The following MB21D2 variants were observed in gnomAD, a reference collection of about 807,000 sequenced individuals.
MB21D2 encodes the protein nucleotidyltransferase MB21D2.
MB21D2 carries 9 observed loss-of-function variants against 33.3 expected under a neutral mutation model. The ratio of observed to expected loss-of-function variants is 0.27; its 90% CI spans 0.16 to 0.47. The LOEUF (loss-of-function observed/expected upper bound fraction) is 0.47. Among genes scored for constraint, MB21D2 ranks in the 20% least tolerant of loss-of-function variants. The pLI is 0.99. For synonymous variants in MB21D2, 241 were observed against 236.3 expected (o/e 1.02, Z -0.18); for missense variants, 540 against 624.6 (o/e 0.86, Z 1.44).
At chr3:192,819,741 T>C (rs1450696131) in intron 1 of MB21D2, among the ~76,000 whole-genome samples, 1 of 152,194 alleles carries the variant, frequency 6.6e-6, no homozygotes, top group Non-Finnish European at 1.5e-5. Flanking sequence ...CCCTCTCTAA[T>C]CATTCCAAAG....
chr3:192,813,732 G>A (rs1711843799), intron 1 of MB21D2, among the ~76,000 whole-genome samples: 1 of 152,106 alleles, frequency 6.6e-6, no homozygotes, highest in South Asian at 2.1e-4. Flanking sequence ...AAACTAATCT[G>A]ACCACACACA....
rs187376321 is a variant in MB21D2, at chr3:192,908,573, C to T, written c.211+9057G>A. Among the ~76,000 whole-genome samples, 317 of 151,830 alleles carry T rather than the reference C, an allele frequency of 2.1e-3. 4 individuals are homozygous for T. Among genetic ancestry groups the T allele is most frequent in the Non-Finnish European group, 8.1e-4 (55 of 67,914 alleles). On this transcript the variant is annotated intron_variant, in intron 1 of 1. Transcript: ENST00000392452. ...GGATGACAGACGCCCACCACCACGCCCAGCTAATGTTTCGTATTTTTTTTT... is the reference window on the plus strand; with the variant it reads ...GGATGACAGACGCCCACCACCACGCTCAGCTAATGTTTCGTATTTTTTTTT...
At chr3:192,898,451 A>G (rs1428548827) in intron 1 of MB21D2, among the ~76,000 whole-genome samples, 3 of 152,188 alleles carry the variant, frequency 2.0e-5, no homozygotes, top group Admixed American at 1.3e-4. Context: ...TAATTTCATG[A>G]TTATATGCTA....
chr3:192,845,656 G>A (rs1432449960), intron 1 of MB21D2, among the ~76,000 whole-genome samples: 1 of 152,216 alleles, frequency 6.6e-6, no homozygotes. Context: ...CTTAAGGAAA[G>A]GGCAACAGAG....
intron 1 of MB21D2, among the ~76,000 whole-genome samples, chr3:192,800,908 T>C (rs1033226317): frequency 4.6e-5 from 7 of 152,198 alleles, no homozygotes; most frequent in African/African-American, 1.2e-4. Flanking sequence ...AAAGCTGAAA[T>C]TTCTAAGGGA....
At chr3:192,817,303 G>T (rs775884320) in intron 1 of MB21D2, among the ~76,000 whole-genome samples, 7 of 152,108 alleles carry the variant, frequency 4.6e-5, no homozygotes, top group Non-Finnish European at 1.0e-4. Flanking sequence ...CAAGTAATGT[G>T]GGTTGAGTGG....
At chr3:192,896,936 G>A (rs1451339211) in intron 1 of MB21D2, among the ~76,000 whole-genome samples, 1 of 152,114 alleles carries the variant, frequency 6.6e-6, no homozygotes, top group Admixed American at 6.5e-5. Flanking sequence ...CGGAAGAAAC[G>A]GCAGGCGAGA....
At chr3:192,878,480 C>T (rs1713490016) in intron 1 of MB21D2, among the ~76,000 whole-genome samples, 1 of 152,234 alleles carries the variant, frequency 6.6e-6, no homozygotes, top group Non-Finnish European at 1.5e-5. Flanking sequence ...ACTTATTCAG[C>T]AGCATCTTCT....
intron 1 of MB21D2, among the ~76,000 whole-genome samples, chr3:192,830,214 T>C (rs1712282575): frequency 6.7e-6 from 1 of 149,156 alleles, no homozygotes; most frequent in Non-Finnish European, 1.5e-5. Context: ...TGTTAGTATG[T>C]TAATGCTTCA....
chr3:192,803,174 G>C (rs1365658713), intron 1 of MB21D2, among the ~76,000 whole-genome samples: 1 of 152,134 alleles, frequency 6.6e-6, no homozygotes, highest in Non-Finnish European at 1.5e-5. Flanking sequence ...GATTTAAGAA[G>C]TTTTAACCTG....
At chr3:192,892,594 C>A (rs1204651466) in intron 1 of MB21D2, among the ~76,000 whole-genome samples, 2 of 152,170 alleles carry the variant, frequency 1.3e-5, no homozygotes, top group Non-Finnish European at 2.9e-5. Context: ...GCACCTGCCA[C>A]CACACCTGGC....
rs184560831 is a variant in MB21D2, at chr3:192,866,066, A to T, written c.211+51564T>A. ...CTGTCTAAAAAAATAAATAAATAAA[A>T]AAAAAAGAAGTTTCTGATTCCAAGG... On this transcript the variant is annotated intron_variant, in intron 1 of 1. Transcript: ENST00000392452. Among the ~76,000 whole-genome samples the T allele has an allele frequency of 9.0e-4, 137 of 152,172 alleles. No homozygotes were observed. In the East Asian group the frequency reaches 0.01, roughly 12 times the overall value.
intron 1 of MB21D2, among the ~76,000 whole-genome samples, chr3:192,875,042 T>C (rs1014657031): frequency 6.6e-6 from 1 of 152,064 alleles, no homozygotes; most frequent in Non-Finnish European, 1.5e-5. Flanking sequence ...ACTCTTCTAT[T>C]TATCCTAATT....
intron 1 of MB21D2, among the ~76,000 whole-genome samples, chr3:192,912,934 G>T (rs1004118818): frequency 6.6e-6 from 1 of 152,122 alleles, no homozygotes; most frequent in Non-Finnish European, 1.5e-5. Context: ...TCCAAAATAG[G>T]CATGATACTT....
intron 1 of MB21D2, among the ~76,000 whole-genome samples, chr3:192,836,325 C>T (rs1201662053): frequency 2.0e-5 from 3 of 152,140 alleles, no homozygotes; most frequent in Admixed American, 2.0e-4. Flanking sequence ...ATTGCGTCAC[C>T]CAGACCTCTA....
At chr3:192,917,073 C>T (rs115737280) in intron 1 of MB21D2, among the ~76,000 whole-genome samples, 4,699 of 152,304 alleles carry the variant, frequency 0.031, 70 homozygotes, top group African/African-American at 0.034. Context: ...GCGGGTTACT[C>T]GGGAACACCC....
intron 1 of MB21D2, among the ~76,000 whole-genome samples, chr3:192,870,799 C>T (rs1713279137): frequency 6.7e-6 from 1 of 148,236 alleles, no homozygotes; most frequent in South Asian, 2.1e-4. Context: ...AAATGCAAAA[C>T]CGATGTAGAA....
At chr3:192,808,891 A>G (rs1223702071) in intron 1 of MB21D2, among the ~76,000 whole-genome samples, 1 of 152,234 alleles carries the variant, frequency 6.6e-6, no homozygotes, top group Non-Finnish European at 1.5e-5. Flanking sequence ...TTACAAAGAG[A>G]TAACTAGCAC....
intron 1 of MB21D2, among the ~76,000 whole-genome samples, chr3:192,871,039 G>C (rs1435953215): frequency 1.3e-5 from 2 of 152,178 alleles, no homozygotes; most frequent in East Asian, 3.9e-4. Context: ...AAGGACGTCT[G>C]CTCTGCCAAG....
Sources: allele counts gnomAD v4.1 joint callset (sites outside exome capture counted in the v4.1 genomes callset), GRCh38; gene constraint gnomAD v4.1.1; transcripts MANE v1.5; gene names NCBI Gene and HGNC (gene_info 2026-07-23, HGNC 2026-07-21).